The following GPC5 variants were observed in gnomAD, a reference collection of about 807,000 sequenced individuals.
GPC5 encodes glypican-5.
A neutral mutation model predicts 53.9 loss-of-function variants in GPC5; 47 were observed. The ratio of observed to expected loss-of-function variants is 0.87; its 90% CI spans 0.69 to 1.11. The LOEUF (loss-of-function observed/expected upper bound fraction) is 1.11. Ranked by LOEUF, GPC5 falls within the 50% of genes most tolerant of loss-of-function variation. GPC5 has a pLI of 0.00. For synonymous variants in GPC5, 286 were observed against 263.3 expected (o/e 1.09, Z -0.84); for missense variants, 748 against 713.1 (o/e 1.05, Z -0.56).
chr13:92,432,490 G>T (rs1262611155), intron 7 of GPC5, among the ~76,000 whole-genome samples: 1 of 148,388 alleles, frequency 6.7e-6, no homozygotes, highest in Admixed American at 6.8e-5. Context: ...TTCAACTCAT[G>T]GTCAAGTGAT....
intron 7 of GPC5, among the ~76,000 whole-genome samples, chr13:92,680,658 C>T (rs1236914333): frequency 6.6e-6 from 1 of 152,086 alleles, no homozygotes; most frequent in African/African-American, 2.4e-5. Flanking sequence ...TTAATGAATA[C>T]ATATTTGTTG....
At chr13:92,459,790 A>T (rs1424514103) in intron 7 of GPC5, among the ~76,000 whole-genome samples, 2 of 152,310 alleles carry the variant, frequency 1.3e-5, no homozygotes, top group Admixed American at 6.5e-5. Flanking sequence ...ATTTTTTAAA[A>T]ACTAAATTTT....
intron 6 of GPC5, among the ~76,000 whole-genome samples, chr13:92,074,736 T>C (rs573296429): frequency 4.6e-5 from 7 of 152,268 alleles, no homozygotes; most frequent in East Asian, 3.9e-4. Context: ...TCGAAACTCA[T>C]TGGAGACACC....
chr13:92,326,532 C>T (rs2043252518), intron 7 of GPC5, among the ~76,000 whole-genome samples: 1 of 152,038 alleles, frequency 6.6e-6, no homozygotes, highest in Admixed American at 6.6e-5. Context: ...AGAGATAGAA[C>T]ATTTATACTT....
At chr13:91,821,946 G>A (rs967710943) in intron 5 of GPC5, among the ~76,000 whole-genome samples, 1 of 152,106 alleles carries the variant, frequency 6.6e-6, no homozygotes, top group Admixed American at 6.5e-5. Context: ...AAAATAGAAC[G>A]TATTTTTAAT....
chr13:91,415,264 T>A (rs1878113835), intron 1 of GPC5, among the ~76,000 whole-genome samples: 1 of 152,082 alleles, frequency 6.6e-6, no homozygotes, highest in South Asian at 2.1e-4. Context: ...AAGTGGTGAA[T>A]CCCCAACAAG....
chr13:92,663,856 CTATATATA>C lies in GPC5; in HGVS notation c.1562-202385_1562-202378del, dbSNP rs201565650. ...CACTATATATATATACACACACACA[CTATATATA>C]TATATATATATATATATATATATAT... On this transcript the variant is annotated intron_variant, in intron 7 of 7. Transcript: ENST00000377067. Among the ~76,000 whole-genome samples, 487 of 88,318 alleles carry C rather than the reference CTATATATA, an allele frequency of 5.5e-3. 2 individuals are homozygous for C. Among genetic ancestry groups the C allele is most frequent in the African/African-American group, 0.021 (432 of 20,666 alleles). 57.9% of individuals were successfully genotyped at this position (88,318 alleles called of 152,430 possible).
At chr13:92,556,150 G>A (rs545094962) in intron 7 of GPC5, among the ~76,000 whole-genome samples, 2 of 151,646 alleles carry the variant, frequency 1.3e-5, no homozygotes. Context: ...GTTTTGTAAT[G>A]GTGGTAAAAT....
At chr13:91,497,069 AGTT>A (rs569856960) in intron 2 of GPC5, among the ~76,000 whole-genome samples, 1 of 151,656 alleles carries the variant, frequency 6.6e-6, no homozygotes, top group African/African-American at 2.4e-5. Context: ...CTGTCCTCTA[AGTT>A]GTTTTTTTTT....
intron 7 of GPC5, among the ~76,000 whole-genome samples, chr13:92,618,712 GACTAAATGAAGTTTAAT>G (rs1884778124): frequency 6.9e-6 from 1 of 145,764 alleles, no homozygotes; most frequent in Non-Finnish European, 1.5e-5. Flanking sequence ...AAAGCACTGT[GACTAAATGAAGTTTAAT>G]ATTCATGCCC....
At chr13:91,598,937 A>G (rs2033087693) in intron 2 of GPC5, among the ~76,000 whole-genome samples, 1 of 152,154 alleles carries the variant, frequency 6.6e-6, no homozygotes, top group Non-Finnish European at 1.5e-5. Context: ...TAATTGAAGT[A>G]TATGATCTAC....
chr13:91,620,864 T>G (rs1401400712), intron 2 of GPC5, among the ~76,000 whole-genome samples: 1 of 152,154 alleles, frequency 6.6e-6, no homozygotes, highest in Non-Finnish European at 1.5e-5. Flanking sequence ...AGGCTTTTGC[T>G]ATATTAGATC....
intron 7 of GPC5, among the ~76,000 whole-genome samples, chr13:92,677,049 A>G (rs1886965622): frequency 6.6e-6 from 1 of 152,176 alleles, no homozygotes. Flanking sequence ...TAACAAGTCA[A>G]TTATAATTCT....
intron 7 of GPC5, among the ~76,000 whole-genome samples, chr13:92,246,300 A>G (rs1384678876): frequency 2.0e-5 from 3 of 152,240 alleles, no homozygotes; most frequent in East Asian, 1.9e-4. Context: ...TATTTCTATA[A>G]TAATAAGGAT....
At chr13:92,482,568 T>G (rs539797563) in intron 7 of GPC5, among the ~76,000 whole-genome samples, 18 of 152,096 alleles carry the variant, frequency 1.2e-4, no homozygotes, top group Admixed American at 1.2e-3. Context: ...TTGGCCAGGG[T>G]TTTTTTCCCC....
At chr13:91,636,180 T>A (rs1481623224) in intron 2 of GPC5, among the ~76,000 whole-genome samples, 2 of 152,118 alleles carry the variant, frequency 1.3e-5, no homozygotes, top group Non-Finnish European at 2.9e-5. Context: ...TTTAAAAAAT[T>A]GCAATGTGAA....
chr13:92,038,375 GATA>G lies in GPC5; in HGVS notation c.1402-106454_1402-106452del, dbSNP rs1566406880. ...AGATAGATAGATAGATAGATAGATA[GATA>G]GATAGGTAGATAGATAGATCGATCC... On this transcript the variant is annotated intron_variant, in intron 6 of 7. Coordinates refer to ENST00000377067, the MANE Select transcript of GPC5 (RefSeq NM_004466.6). 6.5e-3 allele frequency among the ~76,000 whole-genome samples: 894 copies of G among 137,468 alleles called. 13 individuals carry two copies. The highest frequency in any genetic ancestry group is 0.024 in the African/African-American group (859 of 36,324). The allele number at this position is 137,468 out of a possible 152,430, so 90.2% of individuals were successfully genotyped here. A position where few individuals can be genotyped will look rare whatever the true frequency, so the allele number is the denominator to read the frequency against.
intron 6 of GPC5, among the ~76,000 whole-genome samples, chr13:91,909,726 A>C (rs572067946): frequency 6.6e-6 from 1 of 152,246 alleles, no homozygotes; most frequent in African/African-American, 2.4e-5. Context: ...TATAAAAAAA[A>C]CACATTTACA....
intron 4 of GPC5, among the ~76,000 whole-genome samples, chr13:91,730,935 G>A (rs969895089): frequency 1.3e-5 from 2 of 152,146 alleles, no homozygotes; most frequent in African/African-American, 4.8e-5. Context: ...CACTGGAAAT[G>A]TCAGTACTTT....
Sources: allele counts gnomAD v4.1 joint callset (sites outside exome capture counted in the v4.1 genomes callset), GRCh38; gene constraint gnomAD v4.1.1; transcripts MANE v1.5; gene names NCBI Gene and HGNC (gene_info 2026-07-23, HGNC 2026-07-21).